ZBTB20: variants seen among roughly 807,000 people sequenced by gnomAD.
ZBTB20 encodes zinc finger and BTB domain-containing protein 20.
A neutral mutation model predicts 56.9 loss-of-function variants in ZBTB20; 9 were observed. The ratio of observed to expected loss-of-function variants is 0.16; its 90% CI spans 0.10 to 0.28. ZBTB20 has a LOEUF of 0.28. Among genes scored for constraint, ZBTB20 ranks in the 10% least tolerant of loss-of-function variants. ZBTB20 has a pLI of 1.00. For missense variants in ZBTB20, 655 were observed against 1,003.0 expected (o/e 0.65, Z 4.69); for synonymous variants, 417 against 420.7 (o/e 0.99, Z 0.11).
At chr3:114,662,202 A>G (rs1354336205) in intron 6 of ZBTB20, among the ~76,000 whole-genome samples, 35 of 151,686 alleles carry the variant, frequency 2.3e-4, no homozygotes, top group Non-Finnish European at 4.3e-4. Flanking sequence ...ATGATTTCCA[A>G]TTTCATCCAT....
At chr3:114,663,376 C>A (rs1293212872) in intron 6 of ZBTB20, among the ~76,000 whole-genome samples, 1 of 150,236 alleles carries the variant, frequency 6.7e-6, no homozygotes, top group African/African-American at 2.5e-5. Context: ...CCTAAAAGAG[C>A]TCCTGAAGGA....
intron 6 of ZBTB20, among the ~76,000 whole-genome samples, chr3:114,655,398 G>T (rs1227520136): frequency 6.6e-6 from 1 of 150,702 alleles, no homozygotes; most frequent in African/African-American, 2.4e-5. Flanking sequence ...GACTACAGGC[G>T]CCCGCCACCG....
At chr3:114,829,162 A>G (rs897227204) in intron 4 of ZBTB20, among the ~76,000 whole-genome samples, 2 of 151,832 alleles carry the variant, frequency 1.3e-5, no homozygotes, top group African/African-American at 4.8e-5. Context: ...CCCCAATTCA[A>G]CTTGCAAAGG....
chr3:114,692,414 G>C (rs2062754414), intron 6 of ZBTB20, among the ~76,000 whole-genome samples: 1 of 152,122 alleles, frequency 6.6e-6, no homozygotes. Flanking sequence ...TATGGATTAT[G>C]CACAATGGAT....
intron 5 of ZBTB20, among the ~76,000 whole-genome samples, chr3:114,731,153 T>C (rs759148450): frequency 6.6e-6 from 1 of 152,178 alleles, no homozygotes; most frequent in Non-Finnish European, 1.5e-5. Flanking sequence ...ATTCATATAC[T>C]TGAAGATAGT....
chr3:114,339,137 A>C lies in ZBTB20; in HGVS notation c.2094T>G (p.Gly698=), dbSNP rs898534219. The C allele has an allele frequency of 3.1e-6, 5 of 1,613,138 alleles. No homozygotes were observed. The highest frequency in any genetic ancestry group is 1.7e-5 in the Admixed American group (1 of 59,958). ...NGTPPAGTPP[G]ARAGPPGVVA... is the part of the protein sequence containing the mutation. ...CCACGCCTGGGGGGCCAGCGCGGGC[A>C]CCTGGGGGTGTGCCTGCAGGGGGGG... The change falls in exon 12 of 12, where the codon GGT becomes GGG. Residue 698 remains glycine, a synonymous_variant. Coordinates refer to ENST00000675478, the MANE Select transcript of ZBTB20 (RefSeq NM_001348800.3). The surrounding 1 kb of genome is among the most constrained non-coding windows in gnomAD (Gnocchi z 4.2).
chr3:115,018,539 T>A (rs1295516286), intron 2 of ZBTB20, among the ~76,000 whole-genome samples: 1 of 151,548 alleles, frequency 6.6e-6, no homozygotes, highest in Non-Finnish European at 1.5e-5. Context: ...TCATTAACTA[T>A]GGCAATTAGC....
chr3:114,434,706 C>A (rs181507542), intron 7 of ZBTB20, among the ~76,000 whole-genome samples: 2 of 152,014 alleles, frequency 1.3e-5, no homozygotes, highest in Admixed American at 6.6e-5. Context: ...ATTTGAGCAG[C>A]GTTTTCTTTT....
intron 7 of ZBTB20, among the ~76,000 whole-genome samples, chr3:114,477,791 G>A (rs565588637): frequency 3.4e-4 from 51 of 150,368 alleles, no homozygotes; most frequent in African/African-American, 1.2e-3. Context: ...CACCGCGCCC[G>A]GTCCGTACCC....
chr3:114,454,210 G>GAGAA (rs1405631761), intron 7 of ZBTB20, among the ~76,000 whole-genome samples: 2 of 142,822 alleles, frequency 1.4e-5, no homozygotes, highest in African/African-American at 5.1e-5. Flanking sequence ...GAGAGAGAGA[G>GAGAA]AAATTGGAGC....
At chr3:114,478,062 C>A (rs780787822) in intron 7 of ZBTB20, among the ~76,000 whole-genome samples, 1 of 151,400 alleles carries the variant, frequency 6.6e-6, no homozygotes, top group African/African-American at 2.4e-5. Flanking sequence ...CTCACCGCAA[C>A]CCCTGCCTCC....
chr3:114,864,501 G>A, intron 4 of ZBTB20, among the ~76,000 whole-genome samples: 1 of 141,250 alleles, frequency 7.1e-6, no homozygotes, highest in Non-Finnish European at 1.6e-5. Flanking sequence ...TTTTTTTTTG[G>A]CAATTGACAT....
intron 7 of ZBTB20, among the ~76,000 whole-genome samples, chr3:114,483,078 T>A (rs1237024218): frequency 6.6e-6 from 1 of 152,208 alleles, no homozygotes. Flanking sequence ...ATAATTCCTA[T>A]GTAGCAGTGA....
chr3:114,589,771 T>C (rs1426646443), intron 6 of ZBTB20, among the ~76,000 whole-genome samples: 3 of 152,220 alleles, frequency 2.0e-5, no homozygotes, highest in Non-Finnish European at 4.4e-5. Flanking sequence ...TTTTTACCTA[T>C]GCAGCTTCAG....
intron 6 of ZBTB20, among the ~76,000 whole-genome samples, chr3:114,664,540 A>G (rs560109967): frequency 6.6e-6 from 1 of 152,116 alleles, no homozygotes; most frequent in African/African-American, 2.4e-5. Flanking sequence ...TTCTTCTTGA[A>G]GCACTACTTG....
intron 1 of ZBTB20, among the ~76,000 whole-genome samples, chr3:115,091,212 C>T (rs1427492128): frequency 2.4e-4 from 37 of 151,948 alleles, no homozygotes; most frequent in Admixed American, 2.4e-3. Flanking sequence ...GCCCCTTTGC[C>T]TCAGTTTCCT....
intron 4 of ZBTB20, among the ~76,000 whole-genome samples, chr3:114,868,758 T>C (rs1397922299): frequency 6.6e-6 from 1 of 152,180 alleles, no homozygotes; most frequent in Non-Finnish European, 1.5e-5. Flanking sequence ...ATCAATAGAA[T>C]CCTTCCAAGT....
chr3:114,708,460 T>A (rs1560152865), intron 5 of ZBTB20, among the ~76,000 whole-genome samples: 2 of 101,572 alleles, frequency 2.0e-5, no homozygotes, highest in African/African-American at 7.7e-5. Flanking sequence ...TAGGAATGTA[T>A]CTAAAGGAAT....
intron 7 of ZBTB20, among the ~76,000 whole-genome samples, chr3:114,462,681 G>C (rs188299062): frequency 6.6e-6 from 1 of 152,294 alleles, no homozygotes; most frequent in East Asian, 1.9e-4. Context: ...GATCTTTTTA[G>C]AGGTTCAAGT....
Sources: gnomAD v4.1 joint callset for allele counts (sites outside exome capture counted in the v4.1 genomes callset) on GRCh38, gnomAD v4.1.1 for gene constraint, Gnocchi (gnomAD v3.1) non-coding constraint, MANE v1.5 for transcripts, NCBI Gene and HGNC (gene_info 2026-07-23, HGNC 2026-07-21) for gene names.